Variants in PCDHGB1 observed in about 807,000 individuals in gnomAD.
The protein encoded by PCDHGB1 is protocadherin gamma-B1.
A neutral mutation model predicts 56.6 loss-of-function variants in PCDHGB1; 34 were observed. That is an observed-to-expected ratio of 0.60 (90% confidence interval 0.46 to 0.80). The LOEUF is 0.80. Ranked by LOEUF, PCDHGB1 falls within the 30% of genes least tolerant of loss-of-function variation. The pLI, the probability that PCDHGB1 is intolerant of heterozygous loss-of-function variation, is 0.00. For missense variants in PCDHGB1, 1,278 were observed against 1,204.6 expected, an observed-to-expected ratio of 1.06 and a Z score of -0.90; for synonymous variants, 561 against 505.9, an observed-to-expected ratio of 1.11 and a Z score of -1.46.
At chr5:141,356,527 A>T in intron 1 of PCDHGB1, 1 of 1,614,104 alleles carries the variant, frequency 6.2e-7, no homozygotes, top group Non-Finnish European at 8.5e-7. Flanking sequence ...ACTGCAAGTG[A>T]TGGACATCAA....
In PCDHGB1 at chr5:141,405,262, C is replaced by A. The variant is rs1352663124; in HGVS notation, c.2409+52593C>A. ...ACTCAAGGAAGAGTCACCTGATCTT[C>A]CCCCAGCCCAACTATGCAGACACAC... On this transcript the variant is annotated intron_variant, in intron 1 of 3. Coordinates refer to ENST00000523390, the MANE Select transcript of PCDHGB1 (RefSeq NM_018922.3). The A allele has an allele frequency of 2.5e-6, 4 of 1,614,012 alleles. No individual in the cohort carries two copies. In the African/African-American group the frequency reaches 5.3e-5, roughly 22 times the overall value.
At chr5:141,420,369 T>C in intron 1 of PCDHGB1, 2 of 1,349,364 alleles carry the variant, frequency 1.5e-6, no homozygotes, top group Non-Finnish European at 2.0e-6. Flanking sequence ...AGATAACTTC[T>C]TCATAGAGTT....
At chr5:141,384,697 C>A in intron 1 of PCDHGB1, 1 of 1,614,142 alleles carries the variant, frequency 6.2e-7, no homozygotes, top group South Asian at 1.1e-5. Flanking sequence ...AGATTCAGGC[C>A]AGAACGCCTG....
Position 141,485,286 on chromosome 5 carries a change from AG to A in PCDHGB1, c.2410-9520del. On this transcript the variant is annotated intron_variant, in intron 1 of 3. Coordinates refer to ENST00000523390, the MANE Select transcript of PCDHGB1 (RefSeq NM_018922.3). This position sits in a 1 kb window ranked among gnomAD's most constrained non-coding sequence, Gnocchi z 5.7. ...CAGATCCGCTACCCGGTCCCAGAGG[AG>A]TCACAGGAAGGGACTTTTGTAGGGA... The A allele has an allele frequency of 6.2e-7, 1 of 1,614,044 alleles. No homozygotes were observed. Among genetic ancestry groups the A allele is most frequent in the Non-Finnish European group, 8.5e-7 (1 of 1,179,928 alleles).
intron 1 of PCDHGB1, chr5:141,409,804 C>T (rs766279863): frequency 6.2e-7 from 1 of 1,611,772 alleles, no homozygotes; most frequent in South Asian, 1.1e-5. Context: ...CGCTGCAGGC[C>T]CGCGACCACG....
rs183531575 is a variant in PCDHGB1 at position 141,469,308 on chromosome 5, G to A, written c.2410-25499G>A. Among the ~76,000 whole-genome samples the A allele has an allele frequency of 2.5e-3, 379 of 152,184 alleles. 1 individual carries two copies. The highest frequency in any genetic ancestry group is 5.8e-3 in the South Asian group (28 of 4,814). On this transcript the variant is annotated intron_variant, in intron 1 of 3. Transcript: ENST00000523390. ...TAAAACAAAATAGACTGGGCACGAT[G>A]GCTCACGCCTGTAATCCCACCACTT...
chr5:141,398,975 G>A, intron 1 of PCDHGB1: 2 of 1,613,926 alleles, frequency 1.2e-6, no homozygotes, highest in Middle Eastern at 1.6e-4. Context: ...TCCTTCTACA[G>A]AACCGGGCAA....
chr5:141,433,359 C>CTATCTATCTATA, intron 1 of PCDHGB1: 1 of 228,708 alleles, frequency 4.4e-6, no homozygotes, highest in South Asian at 4.1e-5. Context: ...TACTGTCTGC[C>CTATCTATCTATA]TATCTATCTA....
At chr5:141,398,517 G>C (rs754431224) in intron 1 of PCDHGB1, 38 of 1,592,096 alleles carry the variant, frequency 2.4e-5, no homozygotes, top group Non-Finnish European at 3.1e-5. Flanking sequence ...ATGACCACAC[G>C]CCAAAATTCA....
chr5:141,422,569 G>C, intron 1 of PCDHGB1: 2 of 1,613,984 alleles, frequency 1.2e-6, no homozygotes, highest in Non-Finnish European at 1.7e-6. Flanking sequence ...AGATGACAAC[G>C]ATAACCCTCC....
intron 1 of PCDHGB1, chr5:141,419,261 G>A (rs758952830): frequency 1.3e-5 from 21 of 1,613,864 alleles, no homozygotes; most frequent in Non-Finnish European, 1.7e-5. Context: ...CAACCAGCCG[G>A]GTGCCTCCAT....
intron 1 of PCDHGB1, chr5:141,364,663 G>T: frequency 6.2e-7 from 1 of 1,614,042 alleles, no homozygotes; most frequent in Non-Finnish European, 8.5e-7. Flanking sequence ...TCTTGGTTGA[G>T]AACAAAATGA....
Position 141,383,719 on chromosome 5 carries a change from A to C in PCDHGB1, c.2409+31050A>C, listed in dbSNP as rs779948364. The C allele has an allele frequency of 6.2e-6, 10 of 1,613,982 alleles. No individual in the cohort carries two copies. The East Asian group carries it at 2.2e-4, about 36-fold the overall frequency. ...TGCTATCGACCTGGACGAGGGAGTCAATGGGGAAGTGACATATTCTTTTCG... is the reference window on the plus strand; with the variant it reads ...TGCTATCGACCTGGACGAGGGAGTCCATGGGGAAGTGACATATTCTTTTCG... On this transcript the variant is annotated intron_variant, in intron 1 of 3. Transcript: ENST00000523390.
intron 1 of PCDHGB1, among the ~76,000 whole-genome samples, chr5:141,457,278 C>T (rs1446074161): frequency 6.6e-6 from 1 of 152,196 alleles, no homozygotes; most frequent in Non-Finnish European, 1.5e-5. Flanking sequence ...TGTGGGCCTA[C>T]GAAGTTCCTT....
chr5:141,365,828 C>T (rs768625295), intron 1 of PCDHGB1: 1 of 1,613,974 alleles, frequency 6.2e-7, no homozygotes, highest in Non-Finnish European at 8.5e-7. Context: ...TCAGGGGGCG[C>T]CCTTGTCCTC....
chr5:141,357,326 C>A (rs751525269), intron 1 of PCDHGB1: 6 of 1,613,964 alleles, frequency 3.7e-6, no homozygotes, highest in East Asian at 4.5e-5. Flanking sequence ...GCTTTTGTCA[C>A]GGTGCTGCTA....
Position 141,389,889 on chromosome 5 carries a change from G to A in PCDHGB1, c.2409+37220G>A. ...GGTCTTCGCCGACAGCTTGCAGGAG[G>A]TGCTGCCGGATATCACTGACCGCCC... On this transcript the variant is annotated intron_variant, in intron 1 of 3. Transcript: ENST00000523390. 1.9e-6 allele frequency: 3 copies of A among 1,614,086 alleles called. No homozygotes were observed. Among genetic ancestry groups the A allele is most frequent in the Admixed American group, 1.7e-5 (1 of 60,034 alleles).
intron 1 of PCDHGB1, chr5:141,365,793 C>G (rs780558730): frequency 1.2e-6 from 2 of 1,613,948 alleles, no homozygotes; most frequent in South Asian, 2.2e-5. Flanking sequence ...GCTCGAGTCA[C>G]CTACTCCCTG....
At chr5:141,506,306 G>A (rs539365378) in intron 3 of PCDHGB1, among the ~76,000 whole-genome samples, 4 of 152,040 alleles carry the variant, frequency 2.6e-5, no homozygotes, top group Non-Finnish European at 5.9e-5. Flanking sequence ...AAAATTAGCT[G>A]GGCATGGTGG....
Sources: allele counts gnomAD v4.1 joint callset (sites outside exome capture counted in the v4.1 genomes callset), GRCh38; gene constraint gnomAD v4.1.1; non-coding constraint Gnocchi (gnomAD v3.1); transcripts MANE v1.5; gene names NCBI Gene and HGNC (gene_info 2026-07-23, HGNC 2026-07-21).